The following GRIN2A variants were observed in gnomAD, a reference collection of about 807,000 sequenced individuals.
GRIN2A encodes the protein glutamate receptor ionotropic, NMDA 2A.
In GRIN2A, 22 loss-of-function variants were observed where a neutral mutation model predicts 113.4. The ratio of observed to expected loss-of-function variants is 0.19; its 90% CI spans 0.14 to 0.28. GRIN2A has a LOEUF of 0.28. Among genes scored for constraint, GRIN2A ranks in the 10% least tolerant of loss-of-function variants. The probability of loss-of-function intolerance (pLI) is 1.00; values close to 1 mark genes in which losing one functional copy is unlikely to be tolerated. For missense variants in GRIN2A, 1,502 were observed against 1,887.0 expected (o/e 0.80, Z 3.78); for synonymous variants, 827 against 738.4 (o/e 1.12, Z -1.94).
chr16:9,763,416 G>A lies in GRIN2A; in HGVS notation c.4128C>T (p.Arg1376=), dbSNP rs2141126345. The A allele has an allele frequency of 6.2e-7, 1 of 1,614,122 alleles. No homozygotes were observed. The highest frequency in any genetic ancestry group is 1.1e-5 in the South Asian group (1 of 91,076). The part of the protein sequence containing the change: ...PFLHSHRDDQ[R]LVIGRCPSDP... The stretch of plus-strand genomic sequence containing the variant: ...CCGAGGGGCATCTCCCAATAACCAA[G>A]CGTTGGTCATCCCTGTGGGAGTGGA... The change falls in exon 13 of 13, where the codon CGC becomes CGT. Residue 1376 remains arginine (R), a synonymous_variant. Coordinates refer to ENST00000330684, the MANE Select transcript of GRIN2A (RefSeq NM_001134407.3).
At chr16:10,091,223 A>T (rs2048177983) in intron 2 of GRIN2A, among the ~76,000 whole-genome samples, 1 of 152,226 alleles carries the variant, frequency 6.6e-6, no homozygotes, top group African/African-American at 2.4e-5. Context: ...TAAGATATAC[A>T]TCCACACAGA....
intron 2 of GRIN2A, among the ~76,000 whole-genome samples, chr16:9,978,262 C>T (rs367995844): frequency 1.3e-5 from 2 of 152,188 alleles, no homozygotes; most frequent in Non-Finnish European, 2.9e-5. Context: ...CACGGAGAAG[C>T]TATGTGACTC....
intron 4 of GRIN2A, among the ~76,000 whole-genome samples, chr16:9,857,036 C>T (rs886680642): frequency 1.3e-5 from 2 of 152,122 alleles, no homozygotes; most frequent in Admixed American, 6.6e-5. Flanking sequence ...CTACCTGTGT[C>T]GTCTTATAAC....
rs373455866 is a variant in GRIN2A, at chr16:9,771,375, T to C, written c.2357-2286A>G. Among the ~76,000 whole-genome samples, 222 of 152,222 alleles carry C rather than the reference T, an allele frequency of 1.5e-3. 5 individuals are homozygous for C. The South Asian group carries it at 0.041, about 28-fold the overall frequency. On this transcript the variant is annotated intron_variant, in intron 11 of 12. Transcript: ENST00000330684. ...ATTCTTTTGTTGGTAATATTTAGCT[T>C]TATGTTTTAATTTTATTTATTTTAA...
rs773175225 is a variant in GRIN2A, at chr16:9,763,320, C to T, written c.4224G>A (p.Thr1408=). 1.1e-5 allele frequency: 17 copies of T among 1,614,018 alleles called. No individual in the cohort carries two copies. The highest frequency in any genetic ancestry group is 1.3e-5 in the Non-Finnish European group (15 of 1,180,010). ...DSYLRSSLRS[T]ASYCSRDSRG... is the part of the protein sequence containing the mutation. ...GACTGTCCCTGGAACAGTACGATGCCGTTGACCTCAAGGACGACCGAAGAT... is the reference window on the plus strand; with the variant it reads ...GACTGTCCCTGGAACAGTACGATGCTGTTGACCTCAAGGACGACCGAAGAT... The change falls in exon 13 of 13, where the codon ACG becomes ACA. Residue 1408 remains threonine (T), a synonymous_variant. Transcript: ENST00000330684.
chr16:9,834,900 C>A (rs1035158076), intron 7 of GRIN2A, among the ~76,000 whole-genome samples: 3 of 152,054 alleles, frequency 2.0e-5, no homozygotes, highest in Admixed American at 2.0e-4. Flanking sequence ...TAGAACCATC[C>A]AGGGGGCTAA....
intron 3 of GRIN2A, among the ~76,000 whole-genome samples, chr16:9,892,357 C>T (rs74008863): frequency 0.021 from 3,129 of 152,186 alleles, 106 homozygotes; most frequent in African/African-American, 0.071. Flanking sequence ...AGAGCGGGTA[C>T]AGAGGGACTA....
In GRIN2A at chr16:9,753,563, A is replaced by C. The variant is rs1427864252; in HGVS notation, c.*9586T>G. On this transcript the variant is annotated 3_prime_UTR_variant, in exon 13 of 13. Transcript: ENST00000330684. ...AATTTCAATCCCCATTCCTTAAAAC[A>C]GTTGATAACACATTGAACAAAATTA... 1 of 200,298 alleles carries C rather than the reference A, an allele frequency of 5.0e-6. No individual in the cohort carries two copies. Among genetic ancestry groups the C allele is most frequent in the Non-Finnish European group, 1.0e-5 (1 of 97,058 alleles). 12.4% of individuals were successfully genotyped at this position (200,298 alleles called of 1,614,324 possible). A position where few individuals can be genotyped will look rare whatever the true frequency, so the allele number is the denominator to read the frequency against.
intron 2 of GRIN2A, among the ~76,000 whole-genome samples, chr16:10,105,779 C>T (rs984799567): frequency 7.9e-5 from 12 of 152,084 alleles, no homozygotes; most frequent in Admixed American, 1.3e-4. Flanking sequence ...TGGTGGTGCG[C>T]ACACGTAATC....
At position 10,019,930 on chromosome 16, in the gene GRIN2A, C is replaced by T. The variant is rs562955867; in HGVS notation, c.415-81379G>A. 9.2e-5 allele frequency among the ~76,000 whole-genome samples: 14 copies of T among 152,332 alleles called. 1 individual carries two copies. The South Asian group carries it at 2.3e-3, about 25-fold the overall frequency. ...AGCGATTAGATCTTAATTATACTCA[C>T]ACCACATACACAGACACCCAAAATG... On this transcript the variant is annotated intron_variant, in intron 2 of 12. Coordinates refer to ENST00000330684, the MANE Select transcript of GRIN2A (RefSeq NM_001134407.3).
At chr16:10,065,792 C>A (rs2047637279) in intron 2 of GRIN2A, among the ~76,000 whole-genome samples, 1 of 152,154 alleles carries the variant, frequency 6.6e-6, no homozygotes, top group African/African-American at 2.4e-5. Context: ...AAGACTATAA[C>A]CCTCTCAATT....
rs560974001 is a variant in GRIN2A at position 9,849,461 on chromosome 16, T to C, written c.1328+295A>G. On this transcript the variant is annotated intron_variant, in intron 5 of 12. Coordinates refer to ENST00000330684, the MANE Select transcript of GRIN2A (RefSeq NM_001134407.3). ...TTTGAGTCCTACCTCTTCCATTTCC[T>C]AGCTAGATGGCTTTGAACATGTTTC... Among the ~76,000 whole-genome samples, 8 of 152,118 alleles carry C rather than the reference T, an allele frequency of 5.3e-5. No individual in the cohort carries two copies. The East Asian group carries it at 9.7e-4, about 18-fold the overall frequency.
intron 3 of GRIN2A, among the ~76,000 whole-genome samples, chr16:9,901,841 G>A (rs963588090): frequency 2.6e-5 from 4 of 152,216 alleles, no homozygotes; most frequent in African/African-American, 9.7e-5. Flanking sequence ...TGCTACAAAA[G>A]AACTCTGGTC....
At chr16:9,887,086 C>T (rs2043599765) in intron 4 of GRIN2A, among the ~76,000 whole-genome samples, 1 of 152,158 alleles carries the variant, frequency 6.6e-6, no homozygotes, top group Non-Finnish European at 1.5e-5. Context: ...GAGATTTCAT[C>T]ATGTTGCCCA....
At chr16:9,803,268 A>C (rs1189129339) in intron 10 of GRIN2A, among the ~76,000 whole-genome samples, 1 of 152,138 alleles carries the variant, frequency 6.6e-6, no homozygotes, top group African/African-American at 2.4e-5. Flanking sequence ...ATAGCTGGGC[A>C]TGGTGGCACA....
chr16:9,829,486 A>G lies in GRIN2A; in HGVS notation c.1944T>C (p.Asn648=). 6.2e-7 allele frequency: 1 copy of G among 1,614,038 alleles called. No individual in the cohort carries two copies. Among genetic ancestry groups the G allele is most frequent in the South Asian group, 1.1e-5 (1 of 91,078 alleles). Residue 648 remains asparagine, a synonymous_variant, in exon 9 of 13, where the codon AAT becomes AAC. Coordinates refer to ENST00000330684, the MANE Select transcript of GRIN2A (RefSeq NM_001134407.3). ...CCTCTTGGATCATGAAGGCAGCCAG[A>G]TTGGCTGTGTAGCTAGCCAGGAATA... is the stretch of plus-strand genomic sequence containing the variant. The part of the protein sequence containing the change: ...AVIFLASYTA[N]LAAFMIQEEF...
intron 10 of GRIN2A, among the ~76,000 whole-genome samples, chr16:9,819,406 AG>A (rs1287196718): frequency 6.6e-6 from 1 of 151,920 alleles, no homozygotes; most frequent in Admixed American, 6.6e-5. Flanking sequence ...CTGTAGTCCC[AG>A]CTACTCAGGA....
chr16:10,023,994 G>C (rs1385582925), intron 2 of GRIN2A, among the ~76,000 whole-genome samples: 1 of 152,116 alleles, frequency 6.6e-6, no homozygotes, highest in Admixed American at 6.5e-5. Flanking sequence ...GAACAGGTTG[G>C]GGCTTAGAGA....
chr16:9,760,869 C>T lies in GRIN2A; in HGVS notation c.*2280G>A. 4.3e-6 allele frequency: 1 copy of T among 232,220 alleles called. No homozygotes were observed. Among genetic ancestry groups the T allele is most frequent in the East Asian group, 6.1e-5 (1 of 16,474 alleles). The allele number at this position is 232,220 out of a possible 1,614,324, so 14.4% of individuals were successfully genotyped here. ...CTGGGGTGGATTAAGGTCTGGAATG[C>T]ACTGGAAGGGCAGAAGGTAGAAAGG... On this transcript the variant is annotated 3_prime_UTR_variant, in exon 13 of 13. Transcript: ENST00000330684.
Sources: allele counts gnomAD v4.1 joint callset (sites outside exome capture counted in the v4.1 genomes callset), GRCh38; gene constraint gnomAD v4.1.1; transcripts MANE v1.5; gene names NCBI Gene and HGNC (gene_info 2026-07-23, HGNC 2026-07-21).